Variants in EEF1D observed in about 807,000 individuals in gnomAD.
EEF1D encodes eukaryotic translation elongation factor 1 delta.
A neutral mutation model predicts 63.9 loss-of-function variants in EEF1D; 47 were observed. That is an observed-to-expected ratio of 0.74 (90% CI 0.58 to 0.94). The LOEUF (loss-of-function observed/expected upper bound fraction) is 0.94. Among genes scored for constraint, EEF1D ranks in the 40% least tolerant of loss-of-function variants. The pLI is 0.00. For synonymous variants in EEF1D, 412 were observed against 386.1 expected (o/e 1.07, Z -0.79); for missense variants, 907 against 899.0 (o/e 1.01, Z -0.11).
At chr8:143,595,009 G>A (rs1363103831) in intron 1 of EEF1D, among the ~76,000 whole-genome samples, 1 of 151,818 alleles carries the variant, frequency 6.6e-6, no homozygotes, top group Non-Finnish European at 1.5e-5. Context: ...CGGTTCAAGC[G>A]ATTCTCCTGC....
intron 5 of EEF1D, chr8:143,581,623 C>G (rs1825583113): frequency 4.0e-6 from 2 of 505,022 alleles, no homozygotes; most frequent in South Asian, 5.0e-5. Context: ...GCTGAGCAGC[C>G]AGGCTCAGAG....
rs371315183 is a variant in EEF1D, at chr8:143,589,967, C to T, written c.115G>A (p.Ala39Thr). 4.9e-5 allele frequency: 79 copies of T among 1,598,710 alleles called. No homozygotes were observed. In the East Asian group the frequency reaches 1.2e-3, roughly 25 times the overall value. Residue 39 changes from alanine (A) to threonine (T), a missense_variant, in exon 3 of 10, where the codon GCC (alanine) becomes ACC (threonine). Coordinates refer to ENST00000618139, the MANE Select transcript of EEF1D (RefSeq NM_001130053.5). ...GGCCCCTCGGCTGGCAGCTGCTGGG[C>T]GGAGGCGGCCGCCTGTGTGGCCTCG... ...EHEATQAAASAQQLPAEGPAM... is the reference protein window; with the variant it reads ...EHEATQAAASTQQLPAEGPAM...
chr8:143,581,190 G>C, intron 6 of EEF1D, 36 bp from the exon 7 acceptor site: 1 of 1,612,786 alleles, frequency 6.2e-7, no homozygotes, highest in Non-Finnish European at 8.5e-7. Context: ...AGATGGCAGG[G>C]GCCAGGGACA....
intron 1 of EEF1D, chr8:143,596,862 T>C (rs1333093881): frequency 6.6e-6 from 1 of 152,334 alleles, no homozygotes; most frequent in Non-Finnish European, 1.5e-5. Context: ...TACAGGCTTA[T>C]TCCTTTCCGT....
Position 143,581,582 on chromosome 8 carries a change from G to A in EEF1D, c.1288-254C>T, listed in dbSNP as rs888115104. 6 of 560,760 alleles carry A rather than the reference G, an allele frequency of 1.1e-5. No homozygotes were observed. In the African/African-American group the frequency reaches 1.1e-4, roughly 11 times the overall value. The allele number at this position is 560,760 out of a possible 1,614,324, so 34.7% of individuals were successfully genotyped here. Reference sequence around the variant, plus strand: ...CAGAGACGGAGGCTGTGGGGAGCTGGGCCATGGCTGCTGCTGCCCGGCGGA... The same window carrying A: ...CAGAGACGGAGGCTGTGGGGAGCTGAGCCATGGCTGCTGCTGCCCGGCGGA... On this transcript the variant is annotated intron_variant, in intron 5 of 9. Transcript: ENST00000618139.
chr8:143,588,374 G>A (rs554971997), intron 3 of EEF1D, among the ~76,000 whole-genome samples: 3 of 152,304 alleles, frequency 2.0e-5, no homozygotes, highest in East Asian at 1.9e-4. Context: ...CCCAGAGACC[G>A]CTGCTGGGGT....
In EEF1D at chr8:143,581,113, G is replaced by A. The variant is rs1453233016; in HGVS notation, c.1429C>T (p.Arg477Trp). 26 of 1,612,886 alleles carry A rather than the reference G, an allele frequency of 1.6e-5. No individual in the cohort carries two copies. The highest frequency in any genetic ancestry group is 2.2e-5 in the South Asian group (2 of 91,066). Residue 477 changes from arginine (R) to tryptophan (W), a missense_variant, in exon 7 of 10, where the codon CGG becomes TGG. Transcript: ENST00000618139. ...LQQAISKLEA[R>W]LNVLEKSSPG... is the part of the protein sequence containing the mutation. Reference sequence around the variant, plus strand: ...GAGCTCTTCTCCAGCACGTTCAGCCGGGCCTCCAGCTTGGAGATGGCCTGC... The same window carrying A: ...GAGCTCTTCTCCAGCACGTTCAGCCAGGCCTCCAGCTTGGAGATGGCCTGC...
chr8:143,579,876 C>A, intron 9 of EEF1D, 46 bp from the exon 10 acceptor site: 1 of 1,537,402 alleles, frequency 6.5e-7, no homozygotes, highest in Non-Finnish European at 8.8e-7. Context: ...CCCCTACAGC[C>A]CACTCGGAGC....
chr8:143,591,321 C>T (rs1285037636), intron 2 of EEF1D, among the ~76,000 whole-genome samples: 2 of 152,234 alleles, frequency 1.3e-5, no homozygotes, highest in African/African-American at 2.4e-5. Flanking sequence ...AAGCTCTGGG[C>T]GACCTCAGTC....
intron 2 of EEF1D, chr8:143,592,026 G>T: frequency 1.0e-6 from 1 of 985,280 alleles, no homozygotes; most frequent in African/African-American, 1.7e-5. Flanking sequence ...AGGCCACAGG[G>T]CCCATGAAGA....
chr8:143,581,587 T>C (rs1036651189), intron 5 of EEF1D: 2 of 552,580 alleles, frequency 3.6e-6, no homozygotes, highest in Non-Finnish European at 6.4e-6. Context: ...AGCTGGGCCA[T>C]GGCTGCTGCT....
rs750661477 is a variant in EEF1D at position 143,589,291 on chromosome 8, C to T, written c.791G>A (p.Arg264Gln). Residue 264 changes from arginine to glutamine, a missense_variant, in exon 3 of 10, where the codon CGA (arginine) becomes CAA (glutamine). Physicochemically the swap from Arg to Gln is conservative, Grantham distance 43. Coordinates refer to ENST00000618139, the MANE Select transcript of EEF1D (RefSeq NM_001130053.5). ...CCGGGCACCCTCGGCCAGGCCGGCT[C>T]GCTCTTGCAGGCGCACCTTCCCTGG... Reference protein sequence around the residue: ...HPPGKVRLQERAGLAEGARRG... With the variant: ...HPPGKVRLQEQAGLAEGARRG... 125 of 1,586,098 alleles carry T rather than the reference C, an allele frequency of 7.9e-5. No homozygotes were observed. The highest frequency in any genetic ancestry group is 1.0e-4 in the Non-Finnish European group (116 of 1,165,662).
chr8:143,585,592 C>T (rs1183550403), intron 5 of EEF1D, among the ~76,000 whole-genome samples: 2 of 152,198 alleles, frequency 1.3e-5, no homozygotes, highest in East Asian at 1.9e-4. Context: ...CACCCCGTCC[C>T]GGGGAGAACG....
At chr8:143,583,037 T>G (rs1438790099) in intron 5 of EEF1D, 1 of 152,198 alleles carries the variant, frequency 6.6e-6, no homozygotes, top group East Asian at 1.9e-4. Context: ...TGGAGTCTTA[T>G]CCCCCGGTAT....
At position 143,579,751 on chromosome 8, in the gene EEF1D, G is replaced by A; in HGVS notation, c.*41C>T. On this transcript the variant is annotated 3_prime_UTR_variant, in exon 10 of 10. Transcript: ENST00000618139. ...GGGCCGGTCTCAGTCTTTAATCGTG[G>A]CAGGGCCTCACGCACGCGCGCACGT... 1 of 1,515,916 alleles carries A rather than the reference G, an allele frequency of 6.6e-7. No homozygotes were observed. Among genetic ancestry groups the A allele is most frequent in the Non-Finnish European group, 8.8e-7 (1 of 1,130,814 alleles). 93.9% of individuals were successfully genotyped at this position (1,515,916 alleles called of 1,614,324 possible). A position where few individuals can be genotyped will look rare whatever the true frequency, so the allele number is the denominator to read the frequency against.
rs778765331 is a variant in EEF1D at position 143,581,266 on chromosome 8, A to G, written c.1350T>C (p.Ile450=). Residue 450 remains isoleucine, a synonymous_variant, in exon 6 of 10, where the codon ATT becomes ATC. Transcript: ENST00000618139. The part of the protein sequence containing the change: ...SGDHGELVVR[I]ASLEVENQSL... ...TCTGGTTCTCCACTTCCAGACTGGC[A>G]ATCCGGACGACGAGCTCACCGTGGT... The G allele has an allele frequency of 3.7e-6, 6 of 1,612,440 alleles. No homozygotes were observed. The Admixed American group carries it at 5.0e-5, about 13-fold the overall frequency.
At chr8:143,591,798 C>A (rs1354632721) in intron 2 of EEF1D, among the ~76,000 whole-genome samples, 1 of 152,264 alleles carries the variant, frequency 6.6e-6, no homozygotes, top group African/African-American at 2.4e-5. Context: ...CTTCTAACAT[C>A]CTTACCCAAC....
At chr8:143,594,621 C>T (rs2131300423) in intron 1 of EEF1D, 1 of 152,558 alleles carries the variant, frequency 6.6e-6, no homozygotes, top group South Asian at 2.1e-4. Context: ...GATTGTCCAC[C>T]CTCCACAGGG....
At chr8:143,590,356 A>G in intron 2 of EEF1D, 11 of 632,692 alleles carry the variant, frequency 1.7e-5, no homozygotes, top group Non-Finnish European at 2.7e-5. Flanking sequence ...AGTGCCTCCC[A>G]ATACATGAAC....
Sources: gnomAD v4.1 joint callset for allele counts (sites outside exome capture counted in the v4.1 genomes callset) on GRCh38, gnomAD v4.1.1 for gene constraint, MANE v1.5 for transcripts, NCBI Gene and HGNC (gene_info 2026-07-23, HGNC 2026-07-21) for gene names.